The following CERK variants were observed in gnomAD, a reference collection of about 807,000 sequenced individuals.
CERK encodes acylsphingosine kinase.
Under a neutral mutation model 63.4 loss-of-function variants are expected in CERK, and 39 were observed. That is an observed-to-expected ratio of 0.61 (90% CI 0.48 to 0.80). The LOEUF is 0.80. CERK is among the 30% of genes least tolerant of loss of function. The probability of loss-of-function intolerance (pLI) is 0.00; values close to 1 mark genes in which losing one functional copy is unlikely to be tolerated. For synonymous variants in CERK, 302 were observed against 280.0 expected (o/e 1.08, Z -0.78); for missense variants, 670 against 714.1 (o/e 0.94, Z 0.70).
At chr22:46,687,578 TCCACCCAC>T (rs373985770) in intron 12 of CERK, among the ~76,000 whole-genome samples, 1 of 151,418 alleles carries the variant, frequency 6.6e-6, no homozygotes, top group South Asian at 2.1e-4. Context: ...GTCTGCCCAC[TCCACCCAC>T]CCACCCACCT....
At position 46,687,037 on chromosome 22, in the gene CERK, T is replaced by C; in HGVS notation, c.*97A>G. 2 of 965,074 alleles carry C rather than the reference T, an allele frequency of 2.1e-6. No homozygotes were observed. The highest frequency in any genetic ancestry group is 3.1e-6 in the Non-Finnish European group (2 of 640,718). The allele number at this position is 965,074 out of a possible 1,614,324, so 59.8% of individuals were successfully genotyped here. ...CAAGATTTAACTATCAAAAATAAAT[T>C]TCTACATTTAAATGTATATATCAAC... is the stretch of plus-strand genomic sequence containing the variant. On this transcript the variant is annotated 3_prime_UTR_variant, in exon 13 of 13. Transcript: ENST00000216264.
chr22:46,721,358 T>C (rs890187899), intron 1 of CERK, among the ~76,000 whole-genome samples: 20 of 152,184 alleles, frequency 1.3e-4, no homozygotes, highest in Middle Eastern at 3.4e-3. Flanking sequence ...AGTGGTTCGA[T>C]CTCGGCTCAC....
At chr22:46,732,457 A>C (rs1438098992) in intron 1 of CERK, among the ~76,000 whole-genome samples, 1 of 152,140 alleles carries the variant, frequency 6.6e-6, no homozygotes, top group Non-Finnish European at 1.5e-5. Flanking sequence ...GGGAAGTAAA[A>C]CACATTAGGA....
At chr22:46,709,110 G>A (rs1452361192) in intron 5 of CERK, among the ~76,000 whole-genome samples, 1 of 152,214 alleles carries the variant, frequency 6.6e-6, no homozygotes, top group Non-Finnish European at 1.5e-5. Flanking sequence ...CAGCGGGGCT[G>A]TGGTTTCGAG....
intron 1 of CERK, among the ~76,000 whole-genome samples, chr22:46,736,717 G>T (rs996079066): frequency 2.0e-5 from 3 of 152,132 alleles, no homozygotes; most frequent in African/African-American, 7.2e-5. Flanking sequence ...TGACCCCAGG[G>T]CTGGAAACCA....
At chr22:46,720,014 A>G (rs2082884199) in intron 3 of CERK, 72 bp downstream of exon 3, 1 of 1,563,230 alleles carries the variant, frequency 6.4e-7, no homozygotes, top group Non-Finnish European at 8.7e-7. Flanking sequence ...GAGACACTTC[A>G]GGAAGATCAC....
intron 8 of CERK, among the ~76,000 whole-genome samples, chr22:46,698,003 T>A (rs1285294163): frequency 6.6e-6 from 1 of 152,156 alleles, no homozygotes; most frequent in Non-Finnish European, 1.5e-5. Flanking sequence ...CCCGGGAGCC[T>A]GGAGGACCTG....
At position 46,699,432 on chromosome 22, in the gene CERK, T is replaced by C; in HGVS notation, c.824A>G (p.His275Arg). Residue 275 changes from histidine to arginine, a missense_variant, in exon 8 of 13, where the codon CAC becomes CGC. By Grantham distance (29) the His-to-Arg change is conservative (BLOSUM62 0). Transcript: ENST00000216264. ...GTAGCGAAGGAGTGTGCTGTTGTGG[T>C]GGACTGAGGACACATCCATGGCCAG... ...DSLAMDVSSV[H>R]HNSTLLRYSV... The C allele has an allele frequency of 1.2e-6, 2 of 1,614,138 alleles. No individual in the cohort carries two copies. Among genetic ancestry groups the C allele is most frequent in the Non-Finnish European group, 1.7e-6 (2 of 1,180,012 alleles).
Position 46,711,103 on chromosome 22 carries a change from G to A in CERK, c.552C>T (p.Asn184=), listed in dbSNP as rs1418842365. ...TTACTCACCCGTCGTATTTGTCTATGTTAATCTCATACAGAGTCTCCTTGG... is the reference window on the plus strand; with the variant it reads ...TTACTCACCCGTCGTATTTGTCTATATTAATCTCATACAGAGTCTCCTTGG... The part of the protein sequence containing the change: ...NQAKETLYEI[N]IDKYDGIVCV... Residue 184 remains asparagine (N), a synonymous_variant, in exon 5 of 13, where the codon AAC becomes AAT. Transcript: ENST00000216264. The A allele has an allele frequency of 6.2e-7, 1 of 1,613,588 alleles. No individual in the cohort carries two copies. The highest frequency in any genetic ancestry group is 1.3e-5 in the African/African-American group (1 of 74,878).
intron 1 of CERK, among the ~76,000 whole-genome samples, chr22:46,726,160 C>T (rs549370179): frequency 1.3e-5 from 2 of 152,360 alleles, no homozygotes; most frequent in African/African-American, 4.8e-5. Context: ...GTCAAGGTGG[C>T]AGAACATGCC....
intron 6 of CERK, among the ~76,000 whole-genome samples, chr22:46,707,363 A>G (rs1253287853): frequency 1.3e-5 from 2 of 152,186 alleles, no homozygotes; most frequent in African/African-American, 2.4e-5. Context: ...CCAGCACTTC[A>G]GGACACAGCC....
In CERK at chr22:46,729,335, G is replaced by A. The variant is rs191941995; in HGVS notation, c.143-8320C>T. Among the ~76,000 whole-genome samples the A allele has an allele frequency of 2.2e-3, 340 of 152,150 alleles. 1 individual carries two copies. Among genetic ancestry groups the A allele is most frequent in the African/African-American group, 7.9e-3 (328 of 41,512 alleles). On this transcript the variant is annotated intron_variant, in intron 1 of 12. Transcript: ENST00000216264. ...AACTGAGCCACTGCACTCCAGCCTG[G>A]GAAACAGTGAGACTGTAAATAAATA...
chr22:46,735,255 A>T (rs1323767808), intron 1 of CERK: 1 of 152,232 alleles, frequency 6.6e-6, no homozygotes, highest in African/African-American at 2.4e-5. Context: ...CCTACTTCCC[A>T]CCAGGCTGGC....
At chr22:46,711,267 G>A in intron 4 of CERK, 118 bp from the exon 5 acceptor site, 2 of 751,390 alleles carry the variant, frequency 2.7e-6, no homozygotes, top group Non-Finnish European at 2.3e-6. Flanking sequence ...GGATTTCCTA[G>A]ATAAAATTCC....
intron 1 of CERK, among the ~76,000 whole-genome samples, chr22:46,728,235 C>T (rs995716512): frequency 3.9e-5 from 6 of 152,122 alleles, no homozygotes; most frequent in Admixed American, 1.3e-4. Context: ...AGGGATGAGA[C>T]GGGGTGTCCA....
intron 5 of CERK, among the ~76,000 whole-genome samples, chr22:46,708,737 T>G (rs754350057): frequency 6.6e-6 from 1 of 152,270 alleles, no homozygotes; most frequent in South Asian, 2.1e-4. Flanking sequence ...GAGACAGACA[T>G]GTCACTGCAG....
At chr22:46,711,649 CG>C (rs2082841610) in intron 4 of CERK, among the ~76,000 whole-genome samples, 1 of 152,210 alleles carries the variant, frequency 6.6e-6, no homozygotes, top group Non-Finnish European at 1.5e-5. Context: ...TGTCCAGAAT[CG>C]TTGCCCTTTT....
chr22:46,711,482 C>G (rs2082840710), intron 4 of CERK, among the ~76,000 whole-genome samples: 1 of 152,168 alleles, frequency 6.6e-6, no homozygotes, highest in Non-Finnish European at 1.5e-5. Flanking sequence ...AAATTGTACA[C>G]TATACCAAAG....
At chr22:46,704,866 C>G (rs1192368646) in intron 6 of CERK, among the ~76,000 whole-genome samples, 2 of 151,458 alleles carry the variant, frequency 1.3e-5, no homozygotes, top group Non-Finnish European at 2.9e-5. Context: ...CTCTTGCTTC[C>G]CCATGAGAAC....
Sources: gnomAD v4.1 joint callset for allele counts (sites outside exome capture counted in the v4.1 genomes callset) on GRCh38, gnomAD v4.1.1 for gene constraint, MANE v1.5 for transcripts, NCBI Gene and HGNC (gene_info 2026-07-23, HGNC 2026-07-21) for gene names.